The following LGR5 variants were observed in gnomAD, a reference collection of about 807,000 sequenced individuals.
The protein encoded by LGR5 is leucine rich repeat containing G protein-coupled receptor 5, also known as leucine-rich repeat-containing G protein-coupled receptor 5.
In LGR5, 54 loss-of-function variants were observed where a neutral mutation model predicts 76.7. That is an observed-to-expected ratio of 0.70 (90% CI 0.57 to 0.88). The LOEUF is 0.88. Among genes scored for constraint, LGR5 ranks in the 40% least tolerant of loss-of-function variants. The pLI is 0.00. For missense variants in LGR5, 1,078 were observed against 1,073.3 expected (o/e 1.00, Z -0.06); for synonymous variants, 406 against 421.9 (o/e 0.96, Z 0.46).
intron 3 of LGR5, among the ~76,000 whole-genome samples, chr12:71,533,062 C>T (rs904555922): frequency 6.6e-6 from 1 of 152,052 alleles, no homozygotes; most frequent in Non-Finnish European, 1.5e-5. Flanking sequence ...ATAGGCTGGG[C>T]GTGGCGGCTC....
At chr12:71,517,489 A>G in intron 2 of LGR5, among the ~76,000 whole-genome samples, 1 of 152,326 alleles carries the variant, frequency 6.6e-6, no homozygotes, top group East Asian at 1.9e-4. Flanking sequence ...AAACTAATTT[A>G]AAAAAATAAA....
At chr12:71,508,686 AG>A (rs1350937530) in intron 2 of LGR5, among the ~76,000 whole-genome samples, 4 of 145,860 alleles carry the variant, frequency 2.7e-5, no homozygotes, top group African/African-American at 1.0e-4. Context: ...CCTGGGAGAC[AG>A]AGATTGCAGC....
At chr12:71,536,967 C>G (rs1277465168) in intron 4 of LGR5, among the ~76,000 whole-genome samples, 1 of 152,170 alleles carries the variant, frequency 6.6e-6, no homozygotes, top group African/African-American at 2.4e-5. Flanking sequence ...TCTGGTTTGA[C>G]ACTGACCACA....
chr12:71,480,360 C>CAA (rs59288333), intron 1 of LGR5, among the ~76,000 whole-genome samples: 896 of 80,276 alleles, frequency 0.011, 13 homozygotes, highest in African/African-American at 0.033. Flanking sequence ...GACTCTGTCT[C>CAA]AAAAAAAAAA....
Position 71,524,408 on chromosome 12 carries a change from G to A in LGR5, c.287G>A (p.Arg96His), listed in dbSNP as rs770097383. Reference protein sequence around the residue: ...LPSLRFLEELRLAGNALTYIP... With the variant: ...LPSLRFLEELHLAGNALTYIP... ...CTCCTCTCCATTGAAACCCACAGAC[G>A]TCTTGCGGGAAACGCTCTGACATAC... The change falls in exon 3 of 18, where the codon CGT becomes CAT. Residue 96 changes from arginine (R) to histidine (H), a missense_variant and splice_region_variant. Arg to His is a conservative substitution (Grantham distance 29). Transcript: ENST00000266674. 1.4e-5 allele frequency: 22 copies of A among 1,611,064 alleles called. No individual in the cohort carries two copies. In the Admixed American group the frequency reaches 1.5e-4, roughly 11 times the overall value.
At chr12:71,537,223 G>T (rs1876639296) in intron 4 of LGR5, among the ~76,000 whole-genome samples, 1 of 150,598 alleles carries the variant, frequency 6.6e-6, no homozygotes, top group Non-Finnish European at 1.5e-5. Flanking sequence ...GGAGGTTAAA[G>T]TGGGAGGATC....
chr12:71,506,003 A>G (rs1260630153), intron 2 of LGR5, among the ~76,000 whole-genome samples: 1 of 152,194 alleles, frequency 6.6e-6, no homozygotes, highest in Non-Finnish European at 1.5e-5. Flanking sequence ...AATAATCTGT[A>G]AATTTTTAAT....
Position 71,575,722 on chromosome 12 carries a change from A to ATATGTGTGTG in LGR5, c.1209-2202_1209-2201insATGTGTGTGT, listed in dbSNP as rs1555176199. Among the ~76,000 whole-genome samples the ATATGTGTGTG allele has an allele frequency of 8.2e-3, 1,192 of 144,846 alleles. 23 individuals carry two copies. Among genetic ancestry groups the ATATGTGTGTG allele is most frequent in the African/African-American group, 0.028 (1,062 of 38,274 alleles). On this transcript the variant is annotated intron_variant, in intron 13 of 17. Coordinates refer to ENST00000266674, the MANE Select transcript of LGR5 (RefSeq NM_003667.4). ...TGAGACTCCATCTCAAAAAATATATATGTGTGTGTGTGTGTGTGTGTGTGT... is the reference window on the plus strand; with the variant it reads ...TGAGACTCCATCTCAAAAAATATATATATGTGTGTGTGTGTGTGTGTGTGTGTGTGTGTGT...
intron 1 of LGR5, among the ~76,000 whole-genome samples, chr12:71,495,495 T>A (rs1238111349): frequency 6.6e-6 from 1 of 151,472 alleles, no homozygotes; most frequent in Non-Finnish European, 1.5e-5. Flanking sequence ...TTAAGCTAGA[T>A]GAAAGCTACT....
At chr12:71,443,307 A>C (rs1565845850) in intron 1 of LGR5, among the ~76,000 whole-genome samples, 1 of 152,210 alleles carries the variant, frequency 6.6e-6, no homozygotes, top group Non-Finnish European at 1.5e-5. Flanking sequence ...CAGAAAAGCA[A>C]AATTTTAAGC....
chr12:71,527,315 G>A (rs568395165), intron 3 of LGR5, among the ~76,000 whole-genome samples: 169 of 152,236 alleles, frequency 1.1e-3, no homozygotes, highest in Non-Finnish European at 1.8e-3. Context: ...ACGGAATACC[G>A]CAAACTGGGT....
chr12:71,527,047 G>C (rs1317655036), intron 3 of LGR5, among the ~76,000 whole-genome samples: 1 of 152,038 alleles, frequency 6.6e-6, no homozygotes, highest in Non-Finnish European at 1.5e-5. Context: ...TCACATGGGT[G>C]GACATTATGA....
chr12:71,514,335 G>C (rs1296255300), intron 2 of LGR5, among the ~76,000 whole-genome samples: 1 of 151,946 alleles, frequency 6.6e-6, no homozygotes, highest in African/African-American at 2.4e-5. Context: ...TTGGGAGGCC[G>C]AGGCAGGTGG....
intron 1 of LGR5, among the ~76,000 whole-genome samples, chr12:71,480,040 G>A (rs1873518962): frequency 1.3e-5 from 2 of 152,124 alleles, no homozygotes; most frequent in African/African-American, 4.8e-5. Flanking sequence ...GCGGGCAGGA[G>A]TGGAAGCAGA....
chr12:71,448,895 T>A (rs1358263768), intron 1 of LGR5: 1 of 152,226 alleles, frequency 6.6e-6, no homozygotes, highest in Non-Finnish European at 1.5e-5. Flanking sequence ...TTAGCAGACA[T>A]GCCTGCATTT....
At chr12:71,508,442 A>G (rs148079874) in intron 2 of LGR5, among the ~76,000 whole-genome samples, 13 of 152,198 alleles carry the variant, frequency 8.5e-5, no homozygotes, top group Non-Finnish European at 1.3e-4. Flanking sequence ...AGAGATATAC[A>G]CTGACTTAAT....
intron 4 of LGR5, among the ~76,000 whole-genome samples, chr12:71,544,557 C>A (rs1354266382): frequency 4.1e-5 from 6 of 148,108 alleles, no homozygotes; most frequent in Admixed American, 3.4e-4. Flanking sequence ...AAACCACCAC[C>A]ACAACAAAAG....
At chr12:71,456,316 T>C (rs1325874405) in intron 1 of LGR5, among the ~76,000 whole-genome samples, 2 of 152,200 alleles carry the variant, frequency 1.3e-5, no homozygotes, top group East Asian at 3.8e-4. Context: ...ACAAACAACA[T>C]TTTTATCCCT....
intron 8 of LGR5, among the ~76,000 whole-genome samples, chr12:71,562,511 G>A (rs117927721): frequency 0.038 from 5,798 of 152,266 alleles, 145 homozygotes; most frequent in Admixed American, 0.058. Context: ...AGAGTTGGAG[G>A]TTACAGTGAA....
Sources: gnomAD v4.1 joint callset for allele counts (sites outside exome capture counted in the v4.1 genomes callset) on GRCh38, gnomAD v4.1.1 for gene constraint, MANE v1.5 for transcripts, NCBI Gene and HGNC (gene_info 2026-07-23, HGNC 2026-07-21) for gene names.